HYDIN: variants seen among roughly 807,000 people sequenced by gnomAD.
HYDIN encodes the protein axonemal central pair apparatus protein HYDIN.
HYDIN carries 132 observed loss-of-function variants against 403.9 expected under a neutral mutation model. The ratio of observed to expected loss-of-function variants is 0.33; its 90% CI spans 0.28 to 0.38. The LOEUF (loss-of-function observed/expected upper bound fraction) is 0.38. Among genes scored for constraint, HYDIN ranks in the 10% least tolerant of loss-of-function variants. The pLI, the probability that HYDIN is intolerant of heterozygous loss-of-function variation, is 1.00. For synonymous variants in HYDIN, 1,202 were observed against 1,891.7 expected, an observed-to-expected ratio of 0.64 and a Z score of 9.46; for missense variants, 2,827 against 5,009.5, an observed-to-expected ratio of 0.56 and a Z score of 13.15.
chr16:71,221,124 A>G (rs1204447526), intron 1 of HYDIN, among the ~76,000 whole-genome samples: 1 of 152,102 alleles, frequency 6.6e-6, no homozygotes, highest in East Asian at 1.9e-4. Flanking sequence ...AAAGGTGGGG[A>G]GACTGATAGT....
chr16:70,863,461 T>C (rs1774422), intron 67 of HYDIN, among the ~76,000 whole-genome samples: 2 of 152,250 alleles, frequency 1.3e-5, no homozygotes, highest in Admixed American at 6.5e-5. Context: ...GCTCTCAGCA[T>C]GCATGGCAGT....
chr16:70,929,550 C>T (rs2502716), intron 45 of HYDIN, among the ~76,000 whole-genome samples: 63,162 of 149,486 alleles, frequency 0.42, 16,608 homozygotes, highest in Non-Finnish European at 0.59. Context: ...TTCTCACTTC[C>T]TTTCCTGTCT....
chr16:70,886,480 C>T (rs1028740209), intron 58 of HYDIN, among the ~76,000 whole-genome samples: 1 of 151,906 alleles, frequency 6.6e-6, no homozygotes, highest in Non-Finnish European at 1.5e-5. Context: ...GTAAGGTCTA[C>T]TGAATTTACC....
chr16:70,829,492 C>T (rs2036815717), intron 81 of HYDIN, 126 bp downstream of exon 81: 2 of 732,772 alleles, frequency 2.7e-6, no homozygotes, highest in African/African-American at 1.8e-5. Context: ...CCTCAGCCTC[C>T]CAAAGTGCTG....
chr16:70,898,655 T>C (rs1355790308), intron 53 of HYDIN, among the ~76,000 whole-genome samples: 12 of 152,150 alleles, frequency 7.9e-5, no homozygotes, highest in Admixed American at 7.9e-4. Flanking sequence ...CAGAACAGGC[T>C]GCTTTAAGCG....
intron 11 of HYDIN, among the ~76,000 whole-genome samples, chr16:71,092,267 T>C (rs2083131080): frequency 6.6e-6 from 1 of 152,078 alleles, no homozygotes; most frequent in African/African-American, 2.4e-5. Flanking sequence ...ATCATATACG[T>C]TCCCCCATGC....
chr16:70,928,717 G>A (rs546305338), intron 45 of HYDIN, among the ~76,000 whole-genome samples: 2 of 123,018 alleles, frequency 1.6e-5, no homozygotes, highest in Non-Finnish European at 3.5e-5. Flanking sequence ...TAAACATAAA[G>A]GTAAACTTTC....
intron 76 of HYDIN, among the ~76,000 whole-genome samples, chr16:70,839,636 G>A (rs2037677254): frequency 1.3e-5 from 2 of 152,204 alleles, no homozygotes; most frequent in South Asian, 4.1e-4. Context: ...TCAGAACCTT[G>A]GACTAGAACA....
intron 1 of HYDIN, among the ~76,000 whole-genome samples, chr16:71,227,914 T>G (rs2041111166): frequency 6.6e-6 from 1 of 152,072 alleles, no homozygotes; most frequent in African/African-American, 2.4e-5. Context: ...CAAACTATAC[T>G]ACAAGGCTAC....
chr16:71,027,502 T>C, intron 20 of HYDIN, 100 bp downstream of exon 20: 2 of 1,540,682 alleles, frequency 1.3e-6, no homozygotes, highest in Non-Finnish European at 1.7e-6. Flanking sequence ...AGAAACCATA[T>C]CCTTCCTCAG....
Position 70,970,632 on chromosome 16 carries a change from A to T in HYDIN, c.5507T>A (p.Leu1836Gln). Residue 1836 changes from leucine (L) to glutamine (Q), a missense_variant, in exon 36 of 86, where the codon CTG becomes CAG. Transcript: ENST00000393567. ...CTCGTCTCCAGGTGCACAAAGTAGCAGTGGCCCCAGATCCAGGACTGAAGG... is the reference window on the plus strand; with the variant it reads ...CTCGTCTCCAGGTGCACAAAGTAGCTGTGGCCCCAGATCCAGGACTGAAGG... ...FSPSVLDLGP[L>Q]LLCAPGDEAE... 1 of 1,491,870 alleles carries T rather than the reference A, an allele frequency of 6.7e-7. No individual in the cohort carries two copies. The highest frequency in any genetic ancestry group is 9.3e-7 in the Non-Finnish European group (1 of 1,071,786). The allele number at this position is 1,491,870 out of a possible 1,614,324, so 92.4% of individuals were successfully genotyped here.
chr16:71,152,008 G>A (rs1019871283), intron 7 of HYDIN, among the ~76,000 whole-genome samples: 9 of 152,042 alleles, frequency 5.9e-5, no homozygotes, highest in Non-Finnish European at 1.0e-4. Flanking sequence ...CTGAATTGGG[G>A]TTTACATTTT....
At chr16:70,901,743 G>A (rs933276769) in intron 52 of HYDIN, among the ~76,000 whole-genome samples, 3 of 151,784 alleles carry the variant, frequency 2.0e-5, no homozygotes, top group Admixed American at 1.3e-4. Context: ...CCGCCACCAT[G>A]CCTGGCTAAT....
chr16:70,967,189 T>C lies in HYDIN; in HGVS notation c.5620-2293A>G, dbSNP rs552149952. ...CAGGGTGGGAGCATGAGATGTGGAT[T>C]TGGGGGGAGCTGCTGGAACACAGCA... On this transcript the variant is annotated intron_variant, in intron 36 of 85. Transcript: ENST00000393567. 2.6e-5 allele frequency among the ~76,000 whole-genome samples: 4 copies of C among 152,124 alleles called. No homozygotes were observed. The East Asian group carries it at 5.8e-4, about 22-fold the overall frequency.
chr16:71,220,039 C>G (rs774365588), intron 1 of HYDIN, among the ~76,000 whole-genome samples: 5 of 152,220 alleles, frequency 3.3e-5, no homozygotes, highest in Non-Finnish European at 7.4e-5. Context: ...GGTCCAGGTC[C>G]TACTGGAAAT....
chr16:71,055,699 T>G (rs1478293016), intron 18 of HYDIN, among the ~76,000 whole-genome samples: 1 of 152,100 alleles, frequency 6.6e-6, no homozygotes, highest in African/African-American at 2.4e-5. Context: ...CCAGGAATTC[T>G]AAGTATCTCA....
chr16:70,942,662 T>A (rs2077720042), intron 42 of HYDIN, among the ~76,000 whole-genome samples: 1 of 152,256 alleles, frequency 6.6e-6, no homozygotes, highest in Non-Finnish European at 1.5e-5. Flanking sequence ...GAAGCTTGTG[T>A]CAGAATGTAA....
At chr16:71,039,516 C>G (rs1306252500) in intron 18 of HYDIN, among the ~76,000 whole-genome samples, 4 of 152,104 alleles carry the variant, frequency 2.6e-5, no homozygotes, top group Non-Finnish European at 5.9e-5. Context: ...TTGCCTTTCC[C>G]TTAACCACCC....
At position 71,061,411 on chromosome 16, in the gene HYDIN, G is replaced by A. The variant is rs555139823; in HGVS notation, c.2377-755C>T. 6.5e-3 allele frequency among the ~76,000 whole-genome samples: 987 copies of A among 152,142 alleles called. 1 individual carries two copies. Among genetic ancestry groups the A allele is most frequent in the African/African-American group, 0.023 (937 of 41,378 alleles). On this transcript the variant is annotated intron_variant, in intron 17 of 85. Coordinates refer to ENST00000393567, the MANE Select transcript of HYDIN (RefSeq NM_001270974.2). Reference sequence around the variant, plus strand: ...GCAATCAGAGTCACAACAAAGAAACGTAAGGTGACATCACTAGTTCCCAAG... The same window carrying A: ...GCAATCAGAGTCACAACAAAGAAACATAAGGTGACATCACTAGTTCCCAAG...
Sources: allele counts gnomAD v4.1 joint callset (sites outside exome capture counted in the v4.1 genomes callset), GRCh38; gene constraint gnomAD v4.1.1; transcripts MANE v1.5; gene names NCBI Gene and HGNC (gene_info 2026-07-23, HGNC 2026-07-21).